The following NTM variants were observed in gnomAD, a reference collection of about 807,000 sequenced individuals.
The protein encoded by NTM is IgLON family member 2.
NTM carries 13 observed loss-of-function variants against 42.1 expected under a neutral mutation model. The observed-to-expected ratio is 0.31, with a 90% CI of 0.20 to 0.49. NTM has a LOEUF of 0.49. NTM is among the 20% of genes least tolerant of loss of function. The probability of loss-of-function intolerance (pLI) is 0.99; values close to 1 mark genes in which losing one functional copy is unlikely to be tolerated. For missense variants in NTM, 373 were observed against 452.8 expected, an observed-to-expected ratio of 0.82 and a Z score of 1.60; for synonymous variants, 187 against 179.2, an observed-to-expected ratio of 1.04 and a Z score of -0.35.
intron 2 of NTM, among the ~76,000 whole-genome samples, chr11:132,004,597 TTCTCTCTTTCTC>T (rs2070270191): frequency 1.1e-5 from 1 of 92,454 alleles, no homozygotes. Flanking sequence ...TTCTCTCTCT[TTCTCTCTTTCTC>T]TCTCTCTCTC....
intron 1 of NTM, among the ~76,000 whole-genome samples, chr11:131,432,049 C>T (rs1948699144): frequency 6.6e-6 from 1 of 152,206 alleles, no homozygotes. Context: ...AGGTTTTGAA[C>T]CTACCTAAAA....
rs995309503 is a variant in NTM, at chr11:131,755,995, C to A, written c.83-155569C>A. ...TGGCCAGGAGATATCACTGTCCTAA[C>A]TTCTGGAAACAATTTAAAATTGTGA... On this transcript the variant is annotated intron_variant, in intron 1 of 8. Transcript: ENST00000683400. Among the ~76,000 whole-genome samples, 27 of 152,352 alleles carry A rather than the reference C, an allele frequency of 1.8e-4. No individual in the cohort carries two copies. In the East Asian group the frequency reaches 3.7e-3, roughly 21 times the overall value.
chr11:131,394,255 CT>C (rs1944321500), intron 1 of NTM, among the ~76,000 whole-genome samples: 1 of 152,208 alleles, frequency 6.6e-6, no homozygotes, highest in African/African-American at 2.4e-5. Flanking sequence ...CCTCATTTCT[CT>C]CTCTACTCCA....
chr11:131,784,550 C>A (rs1424880255), intron 1 of NTM, among the ~76,000 whole-genome samples: 2 of 152,012 alleles, frequency 1.3e-5, no homozygotes, highest in African/African-American at 4.8e-5. Context: ...TAGGTGAAAC[C>A]AAACTGTAGC....
chr11:131,415,774 T>C (rs960874423), intron 1 of NTM, among the ~76,000 whole-genome samples: 1 of 152,236 alleles, frequency 6.6e-6, no homozygotes, highest in African/African-American at 2.4e-5. Context: ...ACAACTGTCA[T>C]GGCCTAAACC....
intron 1 of NTM, among the ~76,000 whole-genome samples, chr11:131,741,845 T>C (rs1262465448): frequency 1.3e-5 from 2 of 152,162 alleles, no homozygotes; most frequent in Non-Finnish European, 1.5e-5. Flanking sequence ...CAGTGGTAGA[T>C]TGGATAAAGA....
intron 1 of NTM, among the ~76,000 whole-genome samples, chr11:131,514,408 A>G (rs416706): frequency 0.15 from 22,828 of 152,188 alleles, 1,921 homozygotes; most frequent in Middle Eastern, 0.22. Flanking sequence ...GGCAGTCTTT[A>G]GAAAGCCTCA....
intron 3 of NTM, among the ~76,000 whole-genome samples, chr11:132,189,481 C>G (rs1032370764): frequency 1.3e-5 from 2 of 152,318 alleles, no homozygotes; most frequent in South Asian, 4.1e-4. Flanking sequence ...TAAAGAAGAG[C>G]TGCCTGCAGG....
chr11:132,074,293 G>C (rs1431376160), intron 2 of NTM, among the ~76,000 whole-genome samples: 1 of 152,112 alleles, frequency 6.6e-6, no homozygotes, highest in Admixed American at 6.5e-5. Context: ...AGTTTCTCAG[G>C]GTCCATCACC....
At chr11:132,128,229 T>G (rs1047006209) in intron 2 of NTM, among the ~76,000 whole-genome samples, 2 of 126,548 alleles carry the variant, frequency 1.6e-5, no homozygotes, top group African/African-American at 6.0e-5. Flanking sequence ...AAAGTTGTTC[T>G]GTGAGTGTGT....
intron 1 of NTM, chr11:131,661,053 G>A (rs1223524592): frequency 2.3e-6 from 3 of 1,303,528 alleles, no homozygotes; most frequent in East Asian, 5.6e-5. Flanking sequence ...GCACAGGTAG[G>A]TGCATACTCA....
At chr11:132,246,344 T>C (rs1052001737) in intron 4 of NTM, among the ~76,000 whole-genome samples, 5 of 152,168 alleles carry the variant, frequency 3.3e-5, no homozygotes, top group Non-Finnish European at 7.3e-5. Context: ...TCTATATCTC[T>C]TGGCTTTTTA....
At chr11:131,744,206 G>A (rs1281427712) in intron 1 of NTM, among the ~76,000 whole-genome samples, 5 of 152,220 alleles carry the variant, frequency 3.3e-5, no homozygotes, top group African/African-American at 1.2e-4. Flanking sequence ...GTTAGTGTTT[G>A]TAAAGTACTT....
intron 1 of NTM, among the ~76,000 whole-genome samples, chr11:131,452,018 C>T (rs925246649): frequency 1.3e-5 from 2 of 152,206 alleles, no homozygotes; most frequent in Admixed American, 6.5e-5. Context: ...TCTGGGCTGC[C>T]GCCCCCTTCC....
chr11:131,379,860 G>A (rs943123077), intron 1 of NTM, among the ~76,000 whole-genome samples: 6 of 152,112 alleles, frequency 3.9e-5, no homozygotes, highest in Admixed American at 3.9e-4. Flanking sequence ...GAGTTGTTCT[G>A]CTTCCTCTGC....
At chr11:131,569,574 C>CTTTTT (rs371565373) in intron 1 of NTM, among the ~76,000 whole-genome samples, 37 of 130,880 alleles carry the variant, frequency 2.8e-4, no homozygotes, top group East Asian at 1.4e-3. Context: ...TTTCTTCTCT[C>CTTTTT]TTTTTTTTTT....
At chr11:131,616,934 C>G (rs2062001061) in intron 1 of NTM, among the ~76,000 whole-genome samples, 1 of 152,114 alleles carries the variant, frequency 6.6e-6, no homozygotes, top group African/African-American at 2.4e-5. Context: ...GCAAATTGAC[C>G]TTGAAATAAG....
chr11:131,682,617 G>A (rs534004643), intron 1 of NTM, among the ~76,000 whole-genome samples: 2 of 152,330 alleles, frequency 1.3e-5, no homozygotes, highest in Middle Eastern at 3.4e-3. Context: ...GCATGAGCCC[G>A]GTTCTCACTT....
chr11:131,668,250 C>CTCTATCTATCTATCTA (rs10667464), intron 1 of NTM, among the ~76,000 whole-genome samples: 3 of 147,682 alleles, frequency 2.0e-5, no homozygotes, highest in Non-Finnish European at 3.0e-5. Flanking sequence ...GTATATCTAC[C>CTCTATCTATCTATCTA]TCTATCTATC....
Sources: gnomAD v4.1 joint callset for allele counts (sites outside exome capture counted in the v4.1 genomes callset) on GRCh38, gnomAD v4.1.1 for gene constraint, MANE v1.5 for transcripts, NCBI Gene and HGNC (gene_info 2026-07-23, HGNC 2026-07-21) for gene names.